Variants in LEUTX observed in about 807,000 individuals in gnomAD.
The protein encoded by LEUTX is leucine twenty homeobox.
Under a neutral mutation model 4.5 loss-of-function variants are expected in LEUTX, and 5 were observed. The observed-to-expected ratio is 1.11, with a 90% confidence interval of 0.58 to 2.34. The LOEUF is 2.34. Ranked by LOEUF, LEUTX falls within the 30% of genes most tolerant of loss-of-function variation. LEUTX has a pLI of 0.01. For synonymous variants in LEUTX, 89 were observed against 85.1 expected, an observed-to-expected ratio of 1.05 and a Z score of -0.25; for missense variants, 233 against 239.4, an observed-to-expected ratio of 0.97 and a Z score of 0.18.
intron 1 of LEUTX, among the ~76,000 whole-genome samples, chr19:39,780,719 CTTT>C (rs890650196): frequency 1.4e-4 from 22 of 152,042 alleles, no homozygotes; most frequent in Admixed American, 1.2e-3. Flanking sequence ...CTAAGGGTTT[CTTT>C]TTAGCTACTG....
At chr19:39,777,917 A>G (rs1967821064), upstream of LEUTX, among the ~76,000 whole-genome samples, 2 of 152,104 alleles carry the variant, frequency 1.3e-5, no homozygotes, top group African/African-American at 2.4e-5. Context: ...ACTTTTCCAA[A>G]CCAACCTGGT....
chr19:39,780,008 T>C (rs1202650994), intron 1 of LEUTX, among the ~76,000 whole-genome samples: 1 of 152,208 alleles, frequency 6.6e-6, no homozygotes, highest in Admixed American at 6.5e-5. Flanking sequence ...AGCAAGACTC[T>C]GTCTCAAAAA....
At chr19:39,778,952 T>A (rs2144953217) in intron 1 of LEUTX, 25 bp downstream of exon 1, 1 of 152,404 alleles carries the variant, frequency 6.6e-6, no homozygotes, top group Admixed American at 6.5e-5. Context: ...GGCAAGAGGC[T>A]GGGGTTTCAG....
chr19:39,780,925 A>C lies in LEUTX; in HGVS notation c.7+1998A>C, dbSNP rs146413661. On this transcript the variant is annotated intron_variant, in intron 1 of 2. Transcript: ENST00000638280. ...CACCATGTTGGCCAGGCTGGTTTTG[A>C]ACTCCTGATCTCAAGTGATTCACCC... 1.9e-4 allele frequency among the ~76,000 whole-genome samples: 29 copies of C among 151,390 alleles called. No individual in the cohort carries two copies. The East Asian group carries it at 5.6e-3, about 29-fold the overall frequency.
intron 2 of LEUTX, among the ~76,000 whole-genome samples, chr19:39,784,966 C>T (rs1221810019): frequency 1.3e-5 from 2 of 152,156 alleles, no homozygotes; most frequent in Non-Finnish European, 2.9e-5. Flanking sequence ...GGCTGGATCT[C>T]AGATACTCCC....
chr19:39,778,193 A>C (rs1251093811), upstream of LEUTX, among the ~76,000 whole-genome samples: 3 of 152,210 alleles, frequency 2.0e-5, no homozygotes, highest in Non-Finnish European at 4.4e-5. Context: ...AGAGGGACAG[A>C]GAGAGGGATG....
At position 39,785,698 on chromosome 19, in the gene LEUTX, A is replaced by T; in HGVS notation, c.160A>T (p.Ile54Phe). 1.9e-6 allele frequency: 3 copies of T among 1,551,252 alleles called. No homozygotes were observed. Among genetic ancestry groups the T allele is most frequent in the Non-Finnish European group, 2.6e-6 (3 of 1,146,494 alleles). ...AACCTCCCCCCTCCTCCCTCCTTAG[A>T]TCTGGTTCAAGAACCAGCGTGCCAA... ...KLQLDLSVVKIWFKNQRAKWK... is the reference protein window; with the variant it reads ...KLQLDLSVVKFWFKNQRAKWK... Residue 54 changes from isoleucine to phenylalanine, a missense_variant and splice_region_variant, in exon 3 of 3, where the codon ATC becomes TTC. Coordinates refer to ENST00000638280, the MANE Select transcript of LEUTX (RefSeq NM_001382345.1).
intron 1 of LEUTX, among the ~76,000 whole-genome samples, chr19:39,782,039 C>G (rs1967894729): frequency 6.6e-6 from 1 of 152,182 alleles, no homozygotes; most frequent in Non-Finnish European, 1.5e-5. Flanking sequence ...TCCTTCCCTA[C>G]AGACCCCATT....
intron 1 of LEUTX, among the ~76,000 whole-genome samples, chr19:39,783,364 TAC>T (rs141643356): frequency 0.59 from 79,252 of 134,182 alleles, 22,043 homozygotes; most frequent in South Asian, 0.69. Flanking sequence ...TATATATATA[TAC>T]ACACACACAC....
At chr19:39,777,023 C>T (rs10409839), upstream of LEUTX, among the ~76,000 whole-genome samples, 45,116 of 152,000 alleles carry the variant, frequency 0.3, 6,924 homozygotes, top group East Asian at 0.52. Flanking sequence ...GAGCTTTTCC[C>T]GATATTCCTC....
intron 1 of LEUTX, among the ~76,000 whole-genome samples, chr19:39,779,749 C>T (rs1967856797): frequency 6.6e-6 from 1 of 152,154 alleles, no homozygotes; most frequent in Non-Finnish European, 1.5e-5. Context: ...CATGGTGGCT[C>T]ACACCTGTAA....
At chr19:39,779,249 C>T (rs1967848550) in intron 1 of LEUTX, among the ~76,000 whole-genome samples, 1 of 152,000 alleles carries the variant, frequency 6.6e-6, no homozygotes, top group African/African-American at 2.4e-5. Context: ...CACCATGTCC[C>T]GCTAATTTTT....
chr19:39,779,056 CCAA>C (rs1967844053), intron 1 of LEUTX, 129 bp downstream of exon 1: 1 of 152,158 alleles, frequency 6.6e-6, no homozygotes, highest in Non-Finnish European at 1.5e-5. Context: ...CTGGGTTATA[CCAA>C]CAAGGATTGT....
chr19:39,779,269 G>A (rs773314520), intron 1 of LEUTX, among the ~76,000 whole-genome samples: 2 of 152,046 alleles, frequency 1.3e-5, no homozygotes, highest in African/African-American at 4.8e-5. Flanking sequence ...TAAATTTTTT[G>A]TAGAGACAGG....
In LEUTX at chr19:39,784,592, G is replaced by T. The variant is rs1967936915; in HGVS notation, c.73G>T (p.Glu25Ter). Residue 25 changes from glutamate (E) to a stop codon, truncating the protein, a stop_gained, in exon 2 of 3, where the codon GAA (glutamate) becomes TAA (stop). Coordinates refer to ENST00000638280, the MANE Select transcript of LEUTX (RefSeq NM_001382345.1). LOFTEE classifies it high-confidence loss of function. ...CTCCAAACAACTCACAGCATTGAGA[G>T]AATTGCTTGAAAAGACCATGCACCC... is the stretch of plus-strand genomic sequence containing the variant. ...FLSKQLTALR[E>*]LLEKTMHPSL... The T allele has an allele frequency of 6.5e-7, 1 of 1,541,838 alleles. No individual in the cohort carries two copies. Among genetic ancestry groups the T allele is most frequent in the Non-Finnish European group, 8.8e-7 (1 of 1,138,102 alleles).
upstream of LEUTX, chr19:39,776,507 A>G: frequency 2.3e-6 from 1 of 431,368 alleles, no homozygotes; most frequent in South Asian, 1.6e-5. Context: ...GTATGAGAGA[A>G]GCCTTTGATG....
chr19:39,782,176 A>G (rs10518261), intron 1 of LEUTX, among the ~76,000 whole-genome samples: 25,950 of 152,166 alleles, frequency 0.17, 2,337 homozygotes, highest in East Asian at 0.27. Flanking sequence ...ATAGACTCAT[A>G]TAAACCTGGT....
chr19:39,779,502 T>A (rs1292226611), intron 1 of LEUTX, among the ~76,000 whole-genome samples: 1 of 152,202 alleles, frequency 6.6e-6, no homozygotes, highest in Admixed American at 6.5e-5. Context: ...TTTCCCAGTT[T>A]TTAGTATGTT....
At chr19:39,782,132 G>A (rs920272243) in intron 1 of LEUTX, among the ~76,000 whole-genome samples, 1 of 152,132 alleles carries the variant, frequency 6.6e-6, no homozygotes, top group African/African-American at 2.4e-5. Flanking sequence ...TGACCGGTTA[G>A]GATAATAGGG....
Sources: gnomAD v4.1 joint callset for allele counts (sites outside exome capture counted in the v4.1 genomes callset) on GRCh38, gnomAD v4.1.1 for gene constraint, MANE v1.5 for transcripts, NCBI Gene and HGNC (gene_info 2026-07-23, HGNC 2026-07-21) for gene names.